MGME1: variants seen among roughly 807,000 people sequenced by gnomAD.
MGME1 encodes chromosome 20 open reading frame 72.
A neutral mutation model predicts 33.0 loss-of-function variants in MGME1; 22 were observed. The ratio of observed to expected loss-of-function variants is 0.67; its 90% CI spans 0.48 to 0.95. MGME1 has a LOEUF of 0.95. Ranked by LOEUF, MGME1 falls within the 40% of genes least tolerant of loss-of-function variation. The pLI, the probability that MGME1 is intolerant of heterozygous loss-of-function variation, is 0.00. For missense variants in MGME1, 383 were observed against 397.8 expected, an observed-to-expected ratio of 0.96 and a Z score of 0.32; for synonymous variants, 133 against 144.0, an observed-to-expected ratio of 0.92 and a Z score of 0.55.
At chr20:17,975,599 T>C in intron 2 of MGME1, 85 bp from the exon 3 acceptor site, 2 of 950,858 alleles carry the variant, frequency 2.1e-6, no homozygotes, top group Non-Finnish European at 1.6e-6. Flanking sequence ...AATTGTATTG[T>C]TTCAGGGCGT....
intron 2 of MGME1, among the ~76,000 whole-genome samples, chr20:17,975,181 A>G (rs1003303366): frequency 6.6e-6 from 1 of 152,164 alleles, no homozygotes; most frequent in Non-Finnish European, 1.5e-5. Flanking sequence ...CGTCCTATTA[A>G]TAATCCCGTT....
intron 3 of MGME1, among the ~76,000 whole-genome samples, chr20:17,979,850 G>C (rs2035963817): frequency 6.6e-6 from 1 of 152,024 alleles, no homozygotes; most frequent in Admixed American, 6.6e-5. Flanking sequence ...TTCCACCTCA[G>C]CTTCCCAAAT....
intron 3 of MGME1, among the ~76,000 whole-genome samples, chr20:17,982,156 T>C (rs1174707414): frequency 6.6e-6 from 1 of 152,194 alleles, no homozygotes; most frequent in Non-Finnish European, 1.5e-5. Flanking sequence ...GAGACGGAGT[T>C]TCACCCTTGT....
chr20:17,971,311 A>G (rs1279946170), intron 2 of MGME1, among the ~76,000 whole-genome samples: 1 of 152,218 alleles, frequency 6.6e-6, no homozygotes, highest in Non-Finnish European at 1.5e-5. Flanking sequence ...GCTCCTTATA[A>G]TATTCCTCAG....
chr20:17,971,768 A>G (rs2035734145), intron 2 of MGME1, among the ~76,000 whole-genome samples: 1 of 151,972 alleles, frequency 6.6e-6, no homozygotes, highest in Non-Finnish European at 1.5e-5. Flanking sequence ...TTAACTCAGT[A>G]GCAACCTTAA....
Position 17,990,314 on chromosome 20 carries a change from G to A in MGME1, c.*205G>A, listed in dbSNP as rs2036264882. Reference sequence around the variant, plus strand: ...GATATAAAGACCTAGACTTCGGCACGCGAAATCCCAGCTATGCTACCTCTT... The same window carrying A: ...GATATAAAGACCTAGACTTCGGCACACGAAATCCCAGCTATGCTACCTCTT... On this transcript the variant is annotated 3_prime_UTR_variant, in exon 5 of 5. Coordinates refer to ENST00000377710, the MANE Select transcript of MGME1 (RefSeq NM_052865.4). The A allele has an allele frequency of 2.8e-5, 15 of 532,974 alleles. No homozygotes were observed. The highest frequency in any genetic ancestry group is 9.9e-5 in the African/African-American group (5 of 50,722). The allele number at this position is 532,974 out of a possible 1,614,324, so 33.0% of individuals were successfully genotyped here.
At chr20:17,989,903 G>T (rs1568618837) in intron 4 of MGME1, 36 bp from the exon 5 acceptor site, 1 of 1,603,078 alleles carries the variant, frequency 6.2e-7, no homozygotes, top group African/African-American at 1.3e-5. Flanking sequence ...TGGACCTACT[G>T]TAGTGAAACG....
chr20:17,979,734 T>G (rs10222022), intron 3 of MGME1, among the ~76,000 whole-genome samples: 39,188 of 151,528 alleles, frequency 0.26, 5,818 homozygotes, highest in East Asian at 0.51. Flanking sequence ...TTTTATTTTA[T>G]TTTAGTTTAT....
chr20:17,989,804 A>G (rs1003191855), intron 4 of MGME1, 135 bp from the exon 5 acceptor site: 6 of 742,660 alleles, frequency 8.1e-6, no homozygotes, highest in South Asian at 1.9e-5. Flanking sequence ...TCTTTGATCA[A>G]CCTACCTTAG....
In MGME1 at chr20:17,972,963, G is replaced by A. The variant is rs376914447; in HGVS notation, c.511+2593G>A. On this transcript the variant is annotated intron_variant, in intron 2 of 4. Transcript: ENST00000377710. Reference sequence around the variant, plus strand: ...ATTCCAATTGAGTCAAGTAAATTTGGAGTAGAATAACTTAGTTCCTAAGTT... The same window carrying A: ...ATTCCAATTGAGTCAAGTAAATTTGAAGTAGAATAACTTAGTTCCTAAGTT... Among the ~76,000 whole-genome samples, 102 of 152,252 alleles carry A rather than the reference G, an allele frequency of 6.7e-4. 3 individuals carry two copies. In the South Asian group the frequency reaches 0.02, roughly 30 times the overall value.
At chr20:17,988,869 T>A (rs2036221106) in intron 4 of MGME1, among the ~76,000 whole-genome samples, 1 of 148,102 alleles carries the variant, frequency 6.8e-6, no homozygotes, top group African/African-American at 2.5e-5. Flanking sequence ...GCAGGCAGAT[T>A]GCTTGTGCTC....
chr20:17,988,095 G>A, intron 3 of MGME1, 71 bp from the exon 4 acceptor site: 1 of 1,428,338 alleles, frequency 7.0e-7, no homozygotes, highest in Admixed American at 2.1e-5. Context: ...ATACATAAGA[G>A]AACTGTTAAC....
Position 17,989,973 on chromosome 20 carries a change from A to G in MGME1, c.899A>G (p.Asp300Gly), listed in dbSNP as rs2036252390. 1 of 1,614,190 alleles carries G rather than the reference A, an allele frequency of 6.2e-7. No homozygotes were observed. Among genetic ancestry groups the G allele is most frequent in the African/African-American group, 1.3e-5 (1 of 75,048 alleles). Residue 300 changes from aspartate to glycine, a missense_variant, in exon 5 of 5, where the codon GAT becomes GGT. Asp to Gly is a moderately conservative substitution (Grantham distance 94, BLOSUM62 -1). Transcript: ENST00000377710. ...QCGLIVVAYKDGSPAHPHFMD... is the reference protein window; with the variant it reads ...QCGLIVVAYKGGSPAHPHFMD... ...GGCTTAATTGTGGTGGCCTACAAAGATGGATCACCTGCCCACCCACATTTC... is the reference window on the plus strand; with the variant it reads ...GGCTTAATTGTGGTGGCCTACAAAGGTGGATCACCTGCCCACCCACATTTC...
Position 17,976,953 on chromosome 20 carries a change from G to A in MGME1, c.731+1050G>A, listed in dbSNP as rs556820481. Among the ~76,000 whole-genome samples the A allele has an allele frequency of 3.6e-4, 54 of 151,978 alleles. 1 individual carries two copies. In the South Asian group the frequency reaches 0.011, roughly 30 times the overall value. ...TAGGATTGTAGGCATGAGCCACCACGCCCGGTCCCCATGGTTTTTATATCG... is the reference window on the plus strand; with the variant it reads ...TAGGATTGTAGGCATGAGCCACCACACCCGGTCCCCATGGTTTTTATATCG... On this transcript the variant is annotated intron_variant, in intron 3 of 4. Transcript: ENST00000377710.
chr20:17,990,413 G>GC lies in MGME1; in HGVS notation c.*304_*305insC, dbSNP rs1176208050. The GC allele has an allele frequency of 7.4e-6, 2 of 270,948 alleles. No homozygotes were observed. Among genetic ancestry groups the GC allele is most frequent in the African/African-American group, 5.6e-5 (2 of 35,740 alleles). The allele number at this position is 270,948 out of a possible 1,614,324, so 16.8% of individuals were successfully genotyped here. On this transcript the variant is annotated 3_prime_UTR_variant, in exon 5 of 5. Transcript: ENST00000377710. ...CTTGTACTCCCTTGAGGGACATTGGGGGGGGGGGGGCGTGGTCCCAGGCAG... is the reference window on the plus strand; with the variant it reads ...CTTGTACTCCCTTGAGGGACATTGGGCGGGGGGGGGGCGTGGTCCCAGGCAG...
chr20:17,973,102 T>G (rs2035770107), intron 2 of MGME1, among the ~76,000 whole-genome samples: 1 of 152,134 alleles, frequency 6.6e-6, no homozygotes, highest in African/African-American at 2.4e-5. Context: ...CCTAGCACTT[T>G]GGGAGGCCGA....
In MGME1 at chr20:17,990,857, A is replaced by G. The variant is rs950504465; in HGVS notation, c.*748A>G. The stretch of plus-strand genomic sequence containing the variant: ...TCAACAGATCATGTAGATAGAGTCA[A>G]TTATTGTTTGTGGAGTTTTTCAGCT... On this transcript the variant is annotated 3_prime_UTR_variant, in exon 5 of 5. Transcript: ENST00000377710. The G allele has an allele frequency of 7.9e-5, 12 of 152,152 alleles. No individual in the cohort carries two copies. The highest frequency in any genetic ancestry group is 1.5e-4 in the Non-Finnish European group (10 of 68,036). 9.4% of individuals were successfully genotyped at this position (152,152 alleles called of 1,614,324 possible). A position where few individuals can be genotyped will look rare whatever the true frequency, so the allele number is the denominator to read the frequency against.
chr20:17,974,877 A>T (rs1055624912), intron 2 of MGME1, among the ~76,000 whole-genome samples: 13 of 151,776 alleles, frequency 8.6e-5, no homozygotes, highest in Non-Finnish European at 1.3e-4. Context: ...ATAACTTTTC[A>T]TTTGCGCATG....
At chr20:17,976,787 A>T (rs1025928724) in intron 3 of MGME1, among the ~76,000 whole-genome samples, 7 of 151,832 alleles carry the variant, frequency 4.6e-5, no homozygotes, top group Non-Finnish European at 1.0e-4. Flanking sequence ...TCAGCCTCCC[A>T]AGTAGCTGGG....
Sources: allele counts gnomAD v4.1 joint callset (sites outside exome capture counted in the v4.1 genomes callset), GRCh38; gene constraint gnomAD v4.1.1; transcripts MANE v1.5; gene names NCBI Gene and HGNC (gene_info 2026-07-23, HGNC 2026-07-21).